TTC16: variants seen among roughly 807,000 people sequenced by gnomAD.
TTC16 encodes the protein tetratricopeptide repeat domain 16.
A neutral mutation model predicts 80.4 loss-of-function variants in TTC16; 66 were observed. The ratio of observed to expected loss-of-function variants is 0.82; its 90% CI spans 0.67 to 1.01. The LOEUF (loss-of-function observed/expected upper bound fraction) is 1.01, where lower values mean the gene tolerates loss of function less well. TTC16 is among the 50% of genes least tolerant of loss of function. The pLI, the probability that TTC16 is intolerant of heterozygous loss-of-function variation, is 0.00. For synonymous variants in TTC16, 438 were observed against 451.3 expected, an observed-to-expected ratio of 0.97 and a Z score of 0.37; for missense variants, 1,070 against 1,103.2, an observed-to-expected ratio of 0.97 and a Z score of 0.43.
At chr9:127,717,253 C>T in intron 2 of TTC16, 81 bp from the exon 3 acceptor site, 1 of 1,451,614 alleles carries the variant, frequency 6.9e-7, no homozygotes, top group Non-Finnish European at 9.5e-7. Flanking sequence ...CCTTGCTTCC[C>T]ACAACCCCCA....
At position 127,727,445 on chromosome 9, in the gene TTC16, AAGG is replaced by A; in HGVS notation, c.1747_1749del (p.Glu583del). The stretch of plus-strand genomic sequence containing the variant: ...TGAGGCCCCTGAGGAGGAGGAAGAA[AAGG>A]AGAAGGAGAAAAAAGAGGTAAGTGG... On this transcript the variant is annotated inframe_deletion, in exon 12 of 14. Transcript: ENST00000373289. 6.3e-7 allele frequency: 1 copy of A among 1,585,140 alleles called. No individual in the cohort carries two copies. Among genetic ancestry groups the A allele is most frequent in the Non-Finnish European group, 8.6e-7 (1 of 1,165,772 alleles).
intron 12 of TTC16, chr9:127,729,363 A>C: frequency 1.9e-6 from 1 of 530,490 alleles, no homozygotes. Context: ...CTCCTTCAAC[A>C]CAACCGTTCT....
rs186022593 is a variant in TTC16 at position 127,724,617 on chromosome 9, A to T, written c.1118-139A>T. ...GGGAACAGTGCCCAGACGCCCAGAA[A>T]ACTAGAGAGGACGGAGACTGCGGCG... On this transcript the variant is annotated intron_variant, in intron 8 of 13. Coordinates refer to ENST00000373289, the MANE Select transcript of TTC16 (RefSeq NM_144965.3). The T allele has an allele frequency of 1.4e-4, 175 of 1,266,012 alleles. No homozygotes were observed. In the African/African-American group the frequency reaches 2.1e-3, roughly 15 times the overall value. The allele number at this position is 1,266,012 out of a possible 1,614,324, so 78.4% of individuals were successfully genotyped here.
Position 127,724,285 on chromosome 9 carries a change from C to G in TTC16, c.1038C>G (p.Ala346=). 1 of 1,613,020 alleles carries G rather than the reference C, an allele frequency of 6.2e-7. No homozygotes were observed. The highest frequency in any genetic ancestry group is 2.2e-5 in the East Asian group (1 of 44,878). ...DFAVHCYRQG[A]YQEGVLLLNK... ...CCGTGCACTGCTACAGGCAGGGCGC[C>G]TACCAGGAGGGCGTGCTGCTGCTGA... The change falls in exon 8 of 14, where the codon GCC becomes GCG. Residue 346 remains alanine (A), a synonymous_variant. Coordinates refer to ENST00000373289, the MANE Select transcript of TTC16 (RefSeq NM_144965.3).
intron 1 of TTC16, chr9:127,716,581 G>A (rs975619723): frequency 1.8e-6 from 1 of 563,360 alleles, no homozygotes; most frequent in African/African-American, 1.9e-5. Context: ...GGCCCTGGGG[G>A]AGAACAGACG....
At chr9:127,723,095 G>A in intron 6 of TTC16, 24 bp from the exon 7 acceptor site, 1 of 1,604,926 alleles carries the variant, frequency 6.2e-7, no homozygotes, top group Non-Finnish European at 8.5e-7. Context: ...CTGTGCCCCT[G>A]ATGCCACCCA....
At chr9:127,719,649 C>T (rs561113115) in intron 4 of TTC16, among the ~76,000 whole-genome samples, 1 of 152,268 alleles carries the variant, frequency 6.6e-6, no homozygotes, top group African/African-American at 2.4e-5. Flanking sequence ...TGCACTAACA[C>T]ACCTAGCTGA....
In TTC16 at chr9:127,718,090, A is replaced by T. The variant is rs1412063019; in HGVS notation, c.426+318A>T. On this transcript the variant is annotated intron_variant, in intron 4 of 13. Coordinates refer to ENST00000373289, the MANE Select transcript of TTC16 (RefSeq NM_144965.3). This position sits in a 1 kb window ranked among gnomAD's most constrained non-coding sequence, Gnocchi z 4.6. ...TTATATCTTATTTTTATTTTATTTTATTATTATTATTATTTTTGAGACAGT... is the reference window on the plus strand; with the variant it reads ...TTATATCTTATTTTTATTTTATTTTTTTATTATTATTATTTTTGAGACAGT... Among the ~76,000 whole-genome samples, 2 of 151,772 alleles carry T rather than the reference A, an allele frequency of 1.3e-5. No homozygotes were observed. Among genetic ancestry groups the T allele is most frequent in the East Asian group, 1.9e-4 (1 of 5,184 alleles).
chr9:127,726,258 A>G lies in TTC16; in HGVS notation c.1279A>G (p.Asn427Asp), dbSNP rs555050096. The G allele has an allele frequency of 6.5e-5, 104 of 1,597,360 alleles. No homozygotes were observed. The South Asian group carries it at 1.1e-3, about 17-fold the overall frequency. ...GTGCAGGCAGTTCCAGAAGGCAGAG[A>G]ACCACTTCTCCACGGCCATCCGGCA... ...QRRKQFQKAE[N>D]HFSTAIRHNP... Residue 427 changes from asparagine to aspartate, a missense_variant, in exon 10 of 14, where the codon AAC (asparagine) becomes GAC (aspartate). Coordinates refer to ENST00000373289, the MANE Select transcript of TTC16 (RefSeq NM_144965.3).
intron 7 of TTC16, among the ~76,000 whole-genome samples, chr9:127,723,918 A>G (rs1040842830): frequency 2.0e-5 from 3 of 151,612 alleles, no homozygotes; most frequent in African/African-American, 7.3e-5. Flanking sequence ...AAAAAAAAAA[A>G]TGCTCAGTGC....
chr9:127,728,238 C>A (rs907042961), intron 12 of TTC16: 1 of 152,244 alleles, frequency 6.6e-6, no homozygotes, highest in African/African-American at 2.4e-5. Flanking sequence ...CGTAACCCAC[C>A]CCACCTACAA....
Position 127,725,033 on chromosome 9 carries a change from C to G in TTC16, c.1259+136C>G, listed in dbSNP as rs1322426228. On this transcript the variant is annotated intron_variant, in intron 9 of 13. Transcript: ENST00000373289. ...CGATGGCTCATCCCTGTAATCCCCA[C>G]GCAGGTGGATCGCCTGAGGTCGAGA... The G allele has an allele frequency of 3.7e-6, 4 of 1,087,232 alleles. No homozygotes were observed. The African/African-American group carries it at 6.6e-5, about 18-fold the overall frequency. The allele number at this position is 1,087,232 out of a possible 1,614,324, so 67.3% of individuals were successfully genotyped here.
Position 127,722,947 on chromosome 9 carries a change from GA to G in TTC16, c.658-171del, listed in dbSNP as rs1397121877. 6.7e-6 allele frequency among the ~76,000 whole-genome samples: 1 copy of G among 149,996 alleles called. No individual in the cohort carries two copies. Among genetic ancestry groups the G allele is most frequent in the Non-Finnish European group, 1.5e-5 (1 of 67,602 alleles). ...CACGCCATTGCACTCCAGCCTGGGT[GA>G]CAGAGTGAGAATCCATCTCAAAAAA... On this transcript the variant is annotated intron_variant, in intron 6 of 13. Coordinates refer to ENST00000373289, the MANE Select transcript of TTC16 (RefSeq NM_144965.3). This position sits in a 1 kb window ranked among gnomAD's most constrained non-coding sequence, Gnocchi z 4.2.
rs373820397 is a variant in TTC16 at position 127,722,967 on chromosome 9, C to CAA, written c.658-138_658-137dup. On this transcript the variant is annotated intron_variant, in intron 6 of 13. Transcript: ENST00000373289. This position sits in a 1 kb window ranked among gnomAD's most constrained non-coding sequence, Gnocchi z 4.2. ...TGGGTGACAGAGTGAGAATCCATCT[C>CAA]AAAAAAAAAAAAAAAGCAGAAAGGG... The CAA allele has an allele frequency of 1.4e-3, 816 of 594,394 alleles. No individual in the cohort carries two copies. The highest frequency in any genetic ancestry group is 1.9e-3 in the Middle Eastern group (4 of 2,162). 36.8% of individuals were successfully genotyped at this position (594,394 alleles called of 1,614,324 possible). A position where few individuals can be genotyped will look rare whatever the true frequency, so the allele number is the denominator to read the frequency against.
rs762809119 is a variant in TTC16 at position 127,726,307 on chromosome 9, A to G, written c.1328A>G (p.Tyr443Cys). 7.9e-5 allele frequency: 127 copies of G among 1,611,612 alleles called. No homozygotes were observed. The highest frequency in any genetic ancestry group is 1.1e-4 in the Non-Finnish European group (126 of 1,179,142). Residue 443 changes from tyrosine (Y) to cysteine (C), a missense_variant, in exon 10 of 14, where the codon TAC (tyrosine) becomes TGC (cysteine). Transcript: ENST00000373289. The stretch of plus-strand genomic sequence containing the variant: ...CACAACCCCCAGAAGGCCCAGTACT[A>G]CCTGTACCGGGCCAAGAGCCGGCAG... ...IRHNPQKAQYYLYRAKSRQLL... is the reference protein window; with the variant it reads ...IRHNPQKAQYCLYRAKSRQLL...
intron 4 of TTC16, 55 bp downstream of exon 4, chr9:127,717,827 C>T: frequency 6.4e-7 from 1 of 1,562,792 alleles, no homozygotes; most frequent in Non-Finnish European, 8.6e-7. Flanking sequence ...TTCTCAGGGG[C>T]TCTCCTGGCT....
chr9:127,721,515 C>T (rs1009078131), intron 6 of TTC16, among the ~76,000 whole-genome samples: 12 of 52,152 alleles, frequency 2.3e-4, no homozygotes, highest in Middle Eastern at 7.0e-3. Context: ...CGGGGTGGGG[C>T]GGGTTCACCT....
Position 127,730,841 on chromosome 9 carries a change from GC to G in TTC16, c.2061del (p.Thr688ProfsTer154), listed in dbSNP as rs1274014523. On this transcript the variant is annotated frameshift_variant, in exon 14 of 14. Transcript: ENST00000373289. LOFTEE classifies it low-confidence loss of function (END_TRUNC). ...GQRQSLSKTE[P>X]TQSQRRNSSK... The stretch of plus-strand genomic sequence containing the variant: ...AGAGGCAGAGCCTTAGCAAGACTGA[GC>G]CCACCCAGAGCCAGAGGCGGAACTC... The G allele has an allele frequency of 3.1e-6, 5 of 1,613,192 alleles. No individual in the cohort carries two copies. In the Admixed American group the frequency reaches 5.0e-5, roughly 16 times the overall value.
At chr9:127,717,547 C>A in intron 3 of TTC16, 82 bp from the exon 4 acceptor site, 4 of 1,583,300 alleles carry the variant, frequency 2.5e-6, no homozygotes, top group Non-Finnish European at 3.4e-6. Flanking sequence ...GATGTCAACT[C>A]TCAGGGGGGT....
Sources: allele counts gnomAD v4.1 joint callset (sites outside exome capture counted in the v4.1 genomes callset), GRCh38; gene constraint gnomAD v4.1.1; non-coding constraint Gnocchi (gnomAD v3.1); transcripts MANE v1.5; gene names NCBI Gene and HGNC (gene_info 2026-07-23, HGNC 2026-07-21).